TENM3: variants seen among roughly 807,000 people sequenced by gnomAD.
TENM3 encodes teneurin transmembrane protein 3, also known as teneurin-3.
TENM3 carries 63 observed loss-of-function variants against 255.1 expected under a neutral mutation model. That is an observed-to-expected ratio of 0.25 (90% CI 0.20 to 0.30). The LOEUF is 0.30. TENM3 is among the 10% of genes least tolerant of loss of function. The pLI is 1.00. For missense variants in TENM3, 2,929 were observed against 3,461.1 expected, an observed-to-expected ratio of 0.85 and a Z score of 3.86; for synonymous variants, 1,306 against 1,322.3, an observed-to-expected ratio of 0.99 and a Z score of 0.27.
At chr4:181,992,517 G>C in the TENM3 span, among the ~76,000 whole-genome samples, 1,582 of 151,810 alleles carry the variant, frequency 0.01, 27 homozygotes, top group African/African-American at 0.036. Flanking sequence ...TATTTATCTT[G>C]TTGTTTCATT....
At chr4:181,946,413 C>A in the TENM3 span, among the ~76,000 whole-genome samples, 1 of 152,200 alleles carries the variant, frequency 6.6e-6, no homozygotes, top group Non-Finnish European at 1.5e-5. Flanking sequence ...ATCCACTCAT[C>A]TTTCAAGACG....
intron 22 of TENM3, among the ~76,000 whole-genome samples, chr4:182,771,685 C>T (rs184146899): frequency 1.1e-4 from 17 of 152,264 alleles, no homozygotes; most frequent in Admixed American, 2.6e-4. Flanking sequence ...TGTAACTCTG[C>T]GCTGCTTGTT....
chr4:181,605,584 G>GAAAGAAAGAAAGAAAGAAAGAAAGAAAA, the TENM3 span, among the ~76,000 whole-genome samples: 1 of 69,142 alleles, frequency 1.4e-5, no homozygotes, highest in African/African-American at 5.8e-5. Context: ...GAGAAAGAAA[G>GAAAGAAAGAAAGAAAGAAAGAAAGAAAA]GAAAGAAAGA....
the TENM3 span, among the ~76,000 whole-genome samples, chr4:181,520,891 T>C: frequency 6.6e-6 from 1 of 152,190 alleles, no homozygotes; most frequent in African/African-American, 2.4e-5. Context: ...AAATTAAAAG[T>C]AAATCATCAA....
intron 3 of TENM3, among the ~76,000 whole-genome samples, chr4:182,394,246 T>G (rs1428677567): frequency 6.6e-6 from 1 of 152,164 alleles, no homozygotes; most frequent in Non-Finnish European, 1.5e-5. Context: ...GGAAGAAATC[T>G]GAGAATTTTT....
the TENM3 span, among the ~76,000 whole-genome samples, chr4:181,643,981 C>G: frequency 6.7e-5 from 10 of 149,528 alleles, no homozygotes; most frequent in Non-Finnish European, 1.0e-4. Flanking sequence ...GAGCCTGAGA[C>G]AGGAGAATCA....
At chr4:182,253,556 T>G (rs1422650971) in intron 1 of TENM3, among the ~76,000 whole-genome samples, 1 of 152,214 alleles carries the variant, frequency 6.6e-6, no homozygotes, top group Non-Finnish European at 1.5e-5. Context: ...AATAGACCAC[T>G]TTTATATGGA....
chr4:181,936,088 A>T, the TENM3 span, among the ~76,000 whole-genome samples: 1 of 152,228 alleles, frequency 6.6e-6, no homozygotes, highest in Non-Finnish European at 1.5e-5. Flanking sequence ...TGAGTGCTTT[A>T]TTTTGCATAA....
At chr4:182,396,949 G>A (rs62352326) in intron 3 of TENM3, among the ~76,000 whole-genome samples, 38,606 of 151,638 alleles carry the variant, frequency 0.25, 5,507 homozygotes, top group Middle Eastern at 0.38. Flanking sequence ...GTGACAGAGC[G>A]AGACTCTGTC....
the TENM3 span, among the ~76,000 whole-genome samples, chr4:181,705,609 T>C: frequency 2.0e-5 from 3 of 152,216 alleles, no homozygotes; most frequent in African/African-American, 7.2e-5. Context: ...CTTAAATCTA[T>C]ACATTTCTTT....
chr4:182,286,182 T>C (rs1027345138), intron 1 of TENM3, among the ~76,000 whole-genome samples: 1 of 152,220 alleles, frequency 6.6e-6, no homozygotes, highest in Non-Finnish European at 1.5e-5. Context: ...ATAGCTTGAG[T>C]CCAGCTACTT....
chr4:181,837,009 T>G, the TENM3 span, among the ~76,000 whole-genome samples: 2 of 152,166 alleles, frequency 1.3e-5, no homozygotes, highest in Non-Finnish European at 2.9e-5. Context: ...GTTGATGCTA[T>G]TGTGAATAGT....
At chr4:182,306,702 A>G (rs1051346425) in intron 1 of TENM3, among the ~76,000 whole-genome samples, 25 of 152,198 alleles carry the variant, frequency 1.6e-4, no homozygotes, top group African/African-American at 6.0e-4. Flanking sequence ...TGTGTCAAGA[A>G]TATGCTCTTC....
At chr4:182,186,083 TA>T (rs1753131132) in intron 1 of TENM3, among the ~76,000 whole-genome samples, 1 of 152,144 alleles carries the variant, frequency 6.6e-6, no homozygotes, top group Admixed American at 6.5e-5. Context: ...CACAATTAAT[TA>T]AAAGAAAAGA....
intron 1 of TENM3, among the ~76,000 whole-genome samples, chr4:182,162,081 G>C (rs1479754347): frequency 6.8e-6 from 1 of 148,106 alleles, no homozygotes; most frequent in Non-Finnish European, 1.5e-5. Context: ...TCAATGTCTT[G>C]CTATGTTGTG....
At chr4:181,516,439 T>G in the TENM3 span, among the ~76,000 whole-genome samples, 1 of 150,384 alleles carries the variant, frequency 6.6e-6, no homozygotes, top group African/African-American at 2.4e-5. Context: ...TGTGAGGGAA[T>G]GAGAGCATAG....
intron 24 of TENM3, among the ~76,000 whole-genome samples, chr4:182,776,360 C>T (rs868415879): frequency 1.3e-5 from 2 of 152,142 alleles, no homozygotes; most frequent in Admixed American, 6.5e-5. Context: ...TGCAGTGAGT[C>T]GAGATCGCGC....
At chr4:181,902,681 C>G in the TENM3 span, among the ~76,000 whole-genome samples, 1 of 151,890 alleles carries the variant, frequency 6.6e-6, no homozygotes, top group Non-Finnish European at 1.5e-5. Flanking sequence ...AACAGAAAAT[C>G]AAACACCACA....
chr4:182,391,771 T>C (rs545010032), intron 3 of TENM3, among the ~76,000 whole-genome samples: 3 of 152,296 alleles, frequency 2.0e-5, no homozygotes, highest in Non-Finnish European at 4.4e-5. Context: ...CTGCATAAAG[T>C]TGGTACTTAA....
Sources: gnomAD v4.1 joint callset for allele counts (sites outside exome capture counted in the v4.1 genomes callset) on GRCh38, gnomAD v4.1.1 for gene constraint, MANE v1.5 for transcripts, NCBI Gene and HGNC (gene_info 2026-07-23, HGNC 2026-07-21) for gene names.